The following KCNQ1 variants were observed in gnomAD, a reference collection of about 807,000 sequenced individuals.
The protein encoded by KCNQ1 is potassium voltage-gated channel subfamily Q member 1.
In KCNQ1, 49 loss-of-function variants were observed where a neutral mutation model predicts 72.4. The ratio of observed to expected loss-of-function variants is 0.68; its 90% CI spans 0.54 to 0.86. The LOEUF is 0.86. Ranked by LOEUF, KCNQ1 falls within the 40% of genes least tolerant of loss-of-function variation. The pLI, the probability that KCNQ1 is intolerant of heterozygous loss-of-function variation, is 0.00. For missense variants in KCNQ1, 790 were observed against 945.1 expected, an observed-to-expected ratio of 0.84 and a Z score of 2.15; for synonymous variants, 450 against 412.6, an observed-to-expected ratio of 1.09 and a Z score of -1.10.
intron 15 of KCNQ1, among the ~76,000 whole-genome samples, chr11:2,797,740 C>T (rs1272138943): frequency 2.0e-5 from 3 of 152,162 alleles, no homozygotes; most frequent in Non-Finnish European, 2.9e-5. Flanking sequence ...GACCTTTTTA[C>T]AGCCCCCTGC....
At chr11:2,470,204 A>G (rs1846423595) in intron 1 of KCNQ1, among the ~76,000 whole-genome samples, 1 of 152,240 alleles carries the variant, frequency 6.6e-6, no homozygotes, top group South Asian at 2.1e-4. Flanking sequence ...ATACTCCTCA[A>G]ATCATCGAGG....
At chr11:2,520,920 T>C (rs1847371834) in intron 1 of KCNQ1, among the ~76,000 whole-genome samples, 2 of 152,286 alleles carry the variant, frequency 1.3e-5, no homozygotes, top group African/African-American at 4.8e-5. Flanking sequence ...ATTGTCTGCT[T>C]ATCAGCCTGG....
At position 2,598,234 on chromosome 11, in the gene KCNQ1, A is replaced by G. The variant is rs1055142576; in HGVS notation, c.1393+9380A>G. On this transcript the variant is annotated intron_variant, in intron 10 of 15. Coordinates refer to ENST00000155840, the MANE Select transcript of KCNQ1 (RefSeq NM_000218.3). This position sits in a 1 kb window ranked among gnomAD's most constrained non-coding sequence, Gnocchi z 6.2. ...TGACACGTAGATCTGATTATGAAAT[A>G]TGTTCCTTTTCATTGCTTTCTTGAT... is the stretch of plus-strand genomic sequence containing the variant. 3.9e-5 allele frequency among the ~76,000 whole-genome samples: 6 copies of G among 152,134 alleles called. No individual in the cohort carries two copies. Among genetic ancestry groups the G allele is most frequent in the African/African-American group, 9.7e-5 (4 of 41,450 alleles).
chr11:2,756,932 A>AACTTGATC, intron 11 of KCNQ1, among the ~76,000 whole-genome samples: 1 of 136,858 alleles, frequency 7.3e-6, no homozygotes, highest in East Asian at 2.4e-4. Context: ...GAACTTTCCC[A>AACTTGATC]ACTTGATCAA....
chr11:2,596,331 C>G (rs550174763), intron 10 of KCNQ1, among the ~76,000 whole-genome samples: 4 of 152,112 alleles, frequency 2.6e-5, no homozygotes, highest in African/African-American at 4.8e-5. Context: ...GATTCTATTC[C>G]TAGGTATTTA....
chr11:2,561,412 C>G (rs965266289), intron 2 of KCNQ1, among the ~76,000 whole-genome samples: 1 of 152,202 alleles, frequency 6.6e-6, no homozygotes, highest in Non-Finnish European at 1.5e-5. Context: ...CCCTGCCCCC[C>G]GAGGACAAGG....
intron 1 of KCNQ1, among the ~76,000 whole-genome samples, chr11:2,517,226 C>G (rs1033049273): frequency 2.0e-5 from 3 of 152,212 alleles, no homozygotes; most frequent in Non-Finnish European, 4.4e-5. Flanking sequence ...CAGTCCCCAC[C>G]CTGCAGGGCC....
chr11:2,522,626 C>G (rs189807340), intron 1 of KCNQ1, among the ~76,000 whole-genome samples: 1 of 152,374 alleles, frequency 6.6e-6, no homozygotes, highest in East Asian at 1.9e-4. Flanking sequence ...TCATATAATT[C>G]CTTCTGAGGC....
chr11:2,723,780 G>A lies in KCNQ1; in HGVS notation c.1515-45064G>A, dbSNP rs375296374. 7.9e-5 allele frequency among the ~76,000 whole-genome samples: 12 copies of A among 152,176 alleles called. No individual in the cohort carries two copies. In the East Asian group the frequency reaches 9.6e-4, roughly 12 times the overall value. On this transcript the variant is annotated intron_variant, in intron 11 of 15. Coordinates refer to ENST00000155840, the MANE Select transcript of KCNQ1 (RefSeq NM_000218.3). This position sits in a 1 kb window ranked among gnomAD's most constrained non-coding sequence, Gnocchi z 4.2. ...GCCTCACTAACCGCTGGTGGCCGCAGGGTTCCCAGCCACTCGGTGCACATG... is the reference window on the plus strand; with the variant it reads ...GCCTCACTAACCGCTGGTGGCCGCAAGGTTCCCAGCCACTCGGTGCACATG...
chr11:2,572,937 C>T lies in KCNQ1; in HGVS notation c.872C>T (p.Ser291Leu), dbSNP rs1370210214. 6.2e-7 allele frequency: 1 copy of T among 1,613,696 alleles called. No individual in the cohort carries two copies. The highest frequency in any genetic ancestry group is 1.3e-5 in the African/African-American group (1 of 74,948). ...YLAEKDAVNE[S>L]GRVEFGSYAD... ...GCTGAGAAGGACGCGGTGAACGAGTCAGGCCGCGTGGAGTTCGGCAGCTAC... is the reference window on the plus strand; with the variant it reads ...GCTGAGAAGGACGCGGTGAACGAGTTAGGCCGCGTGGAGTTCGGCAGCTAC... Residue 291 changes from serine to leucine, a missense_variant, in exon 6 of 16, where the codon TCA becomes TTA. By Grantham distance (145) the Ser-to-Leu change is moderately radical (BLOSUM62 -2). Transcript: ENST00000155840.
rs1848980177 is a variant in KCNQ1 at position 2,611,542 on chromosome 11, A to T, written c.1393+22688A>T. The T allele has an allele frequency of 2.5e-6, 1 of 398,370 alleles. No homozygotes were observed. Among genetic ancestry groups the T allele is most frequent in the African/African-American group, 2.1e-5 (1 of 48,602 alleles). The allele number at this position is 398,370 out of a possible 1,614,324, so 24.7% of individuals were successfully genotyped here. ...TGTCTGATTTTAGTACAGTCACTCT[A>T]GCTTTCTTATTACTGTTTGCATGTC... is the stretch of plus-strand genomic sequence containing the variant. On this transcript the variant is annotated intron_variant, in intron 10 of 15. Coordinates refer to ENST00000155840, the MANE Select transcript of KCNQ1 (RefSeq NM_000218.3). This position sits in a 1 kb window ranked among gnomAD's most constrained non-coding sequence, Gnocchi z 5.3.
In KCNQ1 at chr11:2,611,701, A is replaced by G. The variant is rs1848981773; in HGVS notation, c.1393+22847A>G. The G allele has an allele frequency of 5.0e-6, 2 of 398,382 alleles. No homozygotes were observed. Among genetic ancestry groups the G allele is most frequent in the Non-Finnish European group, 8.8e-6 (2 of 226,044 alleles). The allele number at this position is 398,382 out of a possible 1,614,324, so 24.7% of individuals were successfully genotyped here. On this transcript the variant is annotated intron_variant, in intron 10 of 15. Coordinates refer to ENST00000155840, the MANE Select transcript of KCNQ1 (RefSeq NM_000218.3). This position sits in a 1 kb window ranked among gnomAD's most constrained non-coding sequence, Gnocchi z 5.3. Reference sequence around the variant, plus strand: ...TCTTTATTGAGTTTTTAATTCACTTATATGTAATATAATTATTGATATGGA... The same window carrying G: ...TCTTTATTGAGTTTTTAATTCACTTGTATGTAATATAATTATTGATATGGA...
rs184662220 is a variant in KCNQ1 at position 2,691,432 on chromosome 11, C to G, written c.1514+29351C>G. On this transcript the variant is annotated intron_variant, in intron 11 of 15. Coordinates refer to ENST00000155840, the MANE Select transcript of KCNQ1 (RefSeq NM_000218.3). This position sits in a 1 kb window ranked among gnomAD's most constrained non-coding sequence, Gnocchi z 6.4. ...TGTCTGTGGGGAGTCCACTGAAGCT[C>G]CCTGCCCCCACTGAGTCTCTGATGT... The G allele has an allele frequency of 7.5e-6, 3 of 398,632 alleles. No homozygotes were observed. Among genetic ancestry groups the G allele is most frequent in the East Asian group, 3.6e-5 (1 of 28,062 alleles). The allele number at this position is 398,632 out of a possible 1,614,324, so 24.7% of individuals were successfully genotyped here.
chr11:2,799,637 C>T (rs1182962297), intron 15 of KCNQ1, among the ~76,000 whole-genome samples: 1 of 152,190 alleles, frequency 6.6e-6, no homozygotes. Context: ...GGGGCTCGTG[C>T]ACTCGGTGTC....
In KCNQ1 at chr11:2,701,295, G is replaced by A. The variant is rs553583266; in HGVS notation, c.1514+39214G>A. Among the ~76,000 whole-genome samples the A allele has an allele frequency of 1.7e-4, 26 of 152,298 alleles. No individual in the cohort carries two copies. In the South Asian group the frequency reaches 5.2e-3, roughly 30 times the overall value. On this transcript the variant is annotated intron_variant, in intron 11 of 15. Coordinates refer to ENST00000155840, the MANE Select transcript of KCNQ1 (RefSeq NM_000218.3). ...TCAGGCAGCAAGTGATTCCTTTCAG[G>A]CCTTCAGCAACGACGCCCAGATGAG...
At chr11:2,733,775 C>CAT (rs1491240256) in intron 11 of KCNQ1, among the ~76,000 whole-genome samples, 6 of 1,506 alleles carry the variant, frequency 4.0e-3, no homozygotes, top group African/African-American at 0.016. Context: ...TCAGGCCTTC[C>CAT]ACACACACAC....
At position 2,695,585 on chromosome 11, in the gene KCNQ1, T is replaced by A. The variant is rs957079474; in HGVS notation, c.1514+33504T>A. ...GAGCATGCACACACACAGCCTCTCG[T>A]TGTTCTGGGTGAGAACTGCTCCAGC... On this transcript the variant is annotated intron_variant, in intron 11 of 15. Transcript: ENST00000155840. The surrounding 1 kb of genome is among the most constrained non-coding windows in gnomAD (Gnocchi z 5.2). The A allele has an allele frequency of 2.5e-6, 1 of 398,540 alleles. No individual in the cohort carries two copies. The highest frequency in any genetic ancestry group is 4.4e-6 in the Non-Finnish European group (1 of 226,078). The allele number at this position is 398,540 out of a possible 1,614,324, so 24.7% of individuals were successfully genotyped here.
chr11:2,518,522 G>A (rs556070330), intron 1 of KCNQ1, among the ~76,000 whole-genome samples: 1 of 152,330 alleles, frequency 6.6e-6, no homozygotes, highest in South Asian at 2.1e-4. Context: ...GAAGGGACCT[G>A]TTTCTTGGGG....
intron 10 of KCNQ1, chr11:2,641,526 T>A (rs890023040): frequency 5.0e-6 from 2 of 398,348 alleles, no homozygotes; most frequent in African/African-American, 4.1e-5. Context: ...CCTAGTATAT[T>A]CTGGTATTAG....
Sources: gnomAD v4.1 joint callset for allele counts (sites outside exome capture counted in the v4.1 genomes callset) on GRCh38, gnomAD v4.1.1 for gene constraint, Gnocchi (gnomAD v3.1) non-coding constraint, MANE v1.5 for transcripts, NCBI Gene and HGNC (gene_info 2026-07-23, HGNC 2026-07-21) for gene names.